INTS3: variants seen among roughly 807,000 people sequenced by gnomAD.
INTS3 encodes the protein SOSS complex subunit A.
Under a neutral mutation model 146.3 loss-of-function variants are expected in INTS3, and 34 were observed. The observed-to-expected ratio is 0.23, with a 90% confidence interval of 0.18 to 0.31. The LOEUF (loss-of-function observed/expected upper bound fraction) is 0.31. Ranked by LOEUF, INTS3 falls within the 10% of genes least tolerant of loss-of-function variation. The pLI is 1.00. For missense variants in INTS3, 757 were observed against 1,304.2 expected (o/e 0.58, Z 6.46); for synonymous variants, 475 against 494.9 (o/e 0.96, Z 0.53).
chr1:153,764,661 G>A (rs762988551), intron 18 of INTS3, 29 bp from the exon 19 acceptor site: 1 of 1,570,546 alleles, frequency 6.4e-7, no homozygotes, highest in East Asian at 2.2e-5. Flanking sequence ...CCCTCACATG[G>A]ATTCTCAAAT....
chr1:153,747,454 G>C, intron 5 of INTS3, 91 bp downstream of exon 5: 1 of 940,968 alleles, frequency 1.1e-6, no homozygotes. Flanking sequence ...CCAAAGGGAT[G>C]GAATTCTTGG....
rs545287979 is a variant in INTS3, at chr1:153,761,693, T to C, written c.1516+17T>C. 3.6e-5 allele frequency: 56 copies of C among 1,560,002 alleles called. 2 individuals carry two copies. In the South Asian group the frequency reaches 6.0e-4, roughly 17 times the overall value. Reference sequence around the variant, plus strand: ...CTGTGGAAGGTATGAGGCCCGCCCATTCCATCACCTGTGTCAAAAGAGGGG... The same window carrying C: ...CTGTGGAAGGTATGAGGCCCGCCCACTCCATCACCTGTGTCAAAAGAGGGG... On this transcript the variant is annotated intron_variant, in intron 14 of 29. Coordinates refer to ENST00000318967, the MANE Select transcript of INTS3 (RefSeq NM_023015.5).
chr1:153,731,957 G>C lies in INTS3; in HGVS notation c.150+3173G>C, dbSNP rs534642546. ...GAGTCTCCCTCTGTCGCCCAGGCTG[G>C]AGTGCAGTGGCGCGATCTTGGCTCA... On this transcript the variant is annotated intron_variant, in intron 1 of 29. Coordinates refer to ENST00000318967, the MANE Select transcript of INTS3 (RefSeq NM_023015.5). Among the ~76,000 whole-genome samples the C allele has an allele frequency of 5.2e-4, 67 of 127,628 alleles. 1 individual carries two copies. Among genetic ancestry groups the C allele is most frequent in the African/African-American group, 2.0e-3 (66 of 32,630 alleles). The allele number at this position is 127,628 out of a possible 152,430, so 83.7% of individuals were successfully genotyped here.
At chr1:153,742,742 CTTA>C (rs2101791045) in intron 3 of INTS3, among the ~76,000 whole-genome samples, 1 of 152,290 alleles carries the variant, frequency 6.6e-6, no homozygotes, top group Non-Finnish European at 1.5e-5. Context: ...AGTGTAAATG[CTTA>C]TTATGTCATG....
At position 153,728,595 on chromosome 1, in the gene INTS3, C is replaced by T. The variant is rs753758816; in HGVS notation, c.-40C>T. On this transcript the variant is annotated 5_prime_UTR_variant, in exon 1 of 30. Coordinates refer to ENST00000318967, the MANE Select transcript of INTS3 (RefSeq NM_023015.5). ...ATCCCGATATCTAGGACTGTCCATC[C>T]ATCCACTCCCTGACCTTTTCCCGGC... The T allele has an allele frequency of 1.2e-5, 19 of 1,571,852 alleles. No individual in the cohort carries two copies. The East Asian group carries it at 2.1e-4, about 17-fold the overall frequency.
rs1423684695 is a variant in INTS3 at position 153,759,517 on chromosome 1, CTT to C, written c.1150-6_1150-5del. The C allele has an allele frequency of 6.2e-7, 1 of 1,602,314 alleles. No individual in the cohort carries two copies. The highest frequency in any genetic ancestry group is 8.6e-7 in the Non-Finnish European group (1 of 1,169,144). On this transcript the variant is annotated splice_region_variant and splice_polypyrimidine_tract_variant and intron_variant, in intron 10 of 29. Coordinates refer to ENST00000318967, the MANE Select transcript of INTS3 (RefSeq NM_023015.5). ...AACTAGCCCTCTGTTTCTCCCCTCTCTTTTCCAGTCAAATGTCGCTGCCTCCA... is the reference window on the plus strand; with the variant it reads ...AACTAGCCCTCTGTTTCTCCCCTCTCTTCCAGTCAAATGTCGCTGCCTCCA...
intron 20 of INTS3, 55 bp from the exon 21 acceptor site, chr1:153,767,619 C>CT: frequency 6.7e-7 from 1 of 1,500,698 alleles, no homozygotes; most frequent in Non-Finnish European, 8.9e-7. Flanking sequence ...TTCGGGGATG[C>CT]TTGAAGGTGG....
At chr1:153,767,121 G>A (rs1318197908) in intron 20 of INTS3, 1 of 152,214 alleles carries the variant, frequency 6.6e-6, no homozygotes, top group Non-Finnish European at 1.5e-5. Context: ...TCCATTCTGC[G>A]AGTTTTAACT....
Position 153,772,217 on chromosome 1 carries a change from G to C in INTS3, c.2721-123G>C. 3 of 1,168,690 alleles carry C rather than the reference G, an allele frequency of 2.6e-6. No homozygotes were observed. In the East Asian group the frequency reaches 7.2e-5, roughly 28 times the overall value. The allele number at this position is 1,168,690 out of a possible 1,614,324, so 72.4% of individuals were successfully genotyped here. A position where few individuals can be genotyped will look rare whatever the true frequency, so the allele number is the denominator to read the frequency against. ...TTCTCACCCAACCCCAGCCCTCCCA[G>C]GCTGCCTATCCTGTTCCCCATGTAG... On this transcript the variant is annotated intron_variant, in intron 26 of 29. Transcript: ENST00000318967. The surrounding 1 kb of genome is among the most constrained non-coding windows in gnomAD (Gnocchi z 4.6).
chr1:153,738,918 T>C (rs1464805357), intron 1 of INTS3, among the ~76,000 whole-genome samples: 1 of 150,542 alleles, frequency 6.6e-6, no homozygotes, highest in Non-Finnish European at 1.5e-5. Flanking sequence ...TTTGAGACAG[T>C]GTCTCGCTCT....
intron 22 of INTS3, 28 bp downstream of exon 22, chr1:153,768,989 A>G: frequency 6.3e-7 from 1 of 1,580,880 alleles, no homozygotes; most frequent in South Asian, 1.1e-5. Flanking sequence ...ACCTCCCCAG[A>G]AGATCTGGGA....
At chr1:153,754,563 G>C in intron 8 of INTS3, 79 bp from the exon 9 acceptor site, 1 of 982,394 alleles carries the variant, frequency 1.0e-6, no homozygotes. Context: ...TCAGTACCTG[G>C]CCCAGGTTCC....
chr1:153,741,117 C>G (rs1671518075), intron 2 of INTS3, among the ~76,000 whole-genome samples, 168 bp from the exon 3 acceptor site: 1 of 152,090 alleles, frequency 6.6e-6, no homozygotes, highest in African/African-American at 2.4e-5. Flanking sequence ...CCTTATCTCT[C>G]TTCTTTTTTT....
rs1672297517 is a variant in INTS3, at chr1:153,759,576, G to C, written c.1200G>C (p.Leu400=). ...NAKLALFYDW[L]FFSPDKDSIM... The stretch of plus-strand genomic sequence containing the variant: ...AGCTGGCTTTGTTTTATGACTGGCT[G>C]TTCTTTAGTCCAGACAAGGATAGCA... Residue 400 remains leucine, a synonymous_variant, in exon 11 of 30, where the codon CTG becomes CTC. Coordinates refer to ENST00000318967, the MANE Select transcript of INTS3 (RefSeq NM_023015.5). 6.2e-7 allele frequency: 1 copy of C among 1,613,786 alleles called. No homozygotes were observed. The highest frequency in any genetic ancestry group is 1.3e-5 in the African/African-American group (1 of 74,898).
chr1:153,748,619 G>A, intron 5 of INTS3, 70 bp from the exon 6 acceptor site: 1 of 1,243,728 alleles, frequency 8.0e-7, no homozygotes, highest in Non-Finnish European at 1.2e-6. Flanking sequence ...CAGCAGAATG[G>A]GTGAAGAGAT....
In INTS3 at chr1:153,772,880, G is replaced by T; in HGVS notation, c.2895-45G>T. 1 of 1,611,466 alleles carries T rather than the reference G, an allele frequency of 6.2e-7. No individual in the cohort carries two copies. The highest frequency in any genetic ancestry group is 2.2e-5 in the East Asian group (1 of 44,852). ...GAGAAGAGGATGGGAGGTGCCGTAG[G>T]AGCAGCAGGCTCCCACTCAAAGAGC... is the stretch of plus-strand genomic sequence containing the variant. On this transcript the variant is annotated intron_variant, in intron 28 of 29. Coordinates refer to ENST00000318967, the MANE Select transcript of INTS3 (RefSeq NM_023015.5). The surrounding 1 kb of genome is among the most constrained non-coding windows in gnomAD (Gnocchi z 4.6).
chr1:153,730,989 T>A (rs146732188), intron 1 of INTS3, among the ~76,000 whole-genome samples: 2 of 151,978 alleles, frequency 1.3e-5, no homozygotes, highest in Admixed American at 1.3e-4. Context: ...TCGACTGACC[T>A]CTGCTTGTTC....
chr1:153,757,117 G>A lies in INTS3; in HGVS notation c.958-455G>A, dbSNP rs1425809615. Among the ~76,000 whole-genome samples, 1 of 152,176 alleles carries A rather than the reference G, an allele frequency of 6.6e-6. No homozygotes were observed. Among genetic ancestry groups the A allele is most frequent in the Admixed American group, 6.5e-5 (1 of 15,276 alleles). On this transcript the variant is annotated intron_variant, in intron 9 of 29. Coordinates refer to ENST00000318967, the MANE Select transcript of INTS3 (RefSeq NM_023015.5). This position sits in a 1 kb window ranked among gnomAD's most constrained non-coding sequence, Gnocchi z 4.0. ...TTGGAGAGTCTAGGCTTTGGATAAT[G>A]GTCCTGCTAGGTCAGCACCAGGAAA...
intron 1 of INTS3, among the ~76,000 whole-genome samples, chr1:153,739,126 T>A (rs1158928347): frequency 6.6e-6 from 1 of 151,876 alleles, no homozygotes; most frequent in Non-Finnish European, 1.5e-5. Context: ...TGAAGTGGCA[T>A]GATCTCGGTT....
Sources: allele counts gnomAD v4.1 joint callset (sites outside exome capture counted in the v4.1 genomes callset), GRCh38; gene constraint gnomAD v4.1.1; non-coding constraint Gnocchi (gnomAD v3.1); transcripts MANE v1.5; gene names NCBI Gene and HGNC (gene_info 2026-07-23, HGNC 2026-07-21).